Variants in CNTN4 observed in about 807,000 individuals in gnomAD.
CNTN4 encodes the protein contactin-4.
CNTN4 carries 77 observed loss-of-function variants against 122.5 expected under a neutral mutation model. That is an observed-to-expected ratio of 0.63 (90% CI 0.52 to 0.76). The LOEUF (loss-of-function observed/expected upper bound fraction) is 0.76, where lower values mean the gene tolerates loss of function less well. CNTN4 is among the 30% of genes least tolerant of loss of function. The probability of loss-of-function intolerance (pLI) is 0.00; values close to 1 mark genes in which losing one functional copy is unlikely to be tolerated. For missense variants in CNTN4, 1,256 were observed against 1,259.1 expected, an observed-to-expected ratio of 1.00 and a Z score of 0.04; for synonymous variants, 512 against 447.0, an observed-to-expected ratio of 1.15 and a Z score of -1.83.
intron 5 of CNTN4, among the ~76,000 whole-genome samples, chr3:2,741,127 A>G (rs774477319): frequency 6.6e-5 from 10 of 152,356 alleles, no homozygotes; most frequent in Non-Finnish European, 1.5e-4. Context: ...GCAATGTACC[A>G]GTCAGCATGC....
At chr3:2,987,567 T>C (rs1418314046) in intron 13 of CNTN4, among the ~76,000 whole-genome samples, 7 of 152,218 alleles carry the variant, frequency 4.6e-5, no homozygotes, top group South Asian at 4.1e-4. Flanking sequence ...TCTGTGTACA[T>C]TTTTTACTTC....
intron 3 of CNTN4, among the ~76,000 whole-genome samples, chr3:2,485,093 C>T (rs567156031): frequency 7.2e-5 from 11 of 152,306 alleles, no homozygotes; most frequent in East Asian, 3.9e-4. Context: ...CCAGCAGTGC[C>T]GGCCGGCCAG....
chr3:2,151,847 C>A (rs923529280), intron 2 of CNTN4, among the ~76,000 whole-genome samples: 6 of 152,174 alleles, frequency 3.9e-5, no homozygotes, highest in African/African-American at 1.4e-4. Context: ...AGGCCCTCAC[C>A]AGATGTGGCT....
At chr3:2,268,355 G>A (rs769726964) in intron 2 of CNTN4, among the ~76,000 whole-genome samples, 3 of 151,932 alleles carry the variant, frequency 2.0e-5, no homozygotes, top group African/African-American at 7.2e-5. Flanking sequence ...TCAATATCTA[G>A]TATTTACATG....
chr3:2,946,982 AG>A (rs959433356), intron 13 of CNTN4, among the ~76,000 whole-genome samples: 51 of 152,230 alleles, frequency 3.4e-4, no homozygotes, highest in African/African-American at 1.2e-3. Context: ...CTGGGATTAC[AG>A]GTATGAGCCA....
intron 2 of CNTN4, among the ~76,000 whole-genome samples, chr3:2,214,641 C>G (rs1480300453): frequency 1.3e-5 from 2 of 152,036 alleles, no homozygotes; most frequent in African/African-American, 4.8e-5. Context: ...ACAAAAAAAT[C>G]ACAAGGTCAG....
chr3:2,830,110 T>G (rs536231117), intron 7 of CNTN4, among the ~76,000 whole-genome samples: 64 of 152,370 alleles, frequency 4.2e-4, no homozygotes, highest in Non-Finnish European at 7.1e-4. Context: ...TCACTTGCTT[T>G]TGTGCAAACG....
chr3:2,355,066 G>A (rs2044810375), intron 3 of CNTN4, among the ~76,000 whole-genome samples: 1 of 152,150 alleles, frequency 6.6e-6, no homozygotes, highest in African/African-American at 2.4e-5. Context: ...ATTTAAAGTT[G>A]CCAGAACTGC....
At chr3:2,137,144 C>G (rs2034734350) in intron 2 of CNTN4, among the ~76,000 whole-genome samples, 1 of 152,076 alleles carries the variant, frequency 6.6e-6, no homozygotes, top group Admixed American at 6.6e-5. Context: ...ACCCATCTGT[C>G]AAAAAATAAA....
At chr3:2,665,142 CT>C (rs996769335) in intron 4 of CNTN4, among the ~76,000 whole-genome samples, 25 of 152,248 alleles carry the variant, frequency 1.6e-4, no homozygotes, top group African/African-American at 5.8e-4. Flanking sequence ...CCTTAAAGAC[CT>C]TTATATGTCA....
At chr3:2,747,916 A>G (rs1348725440) in intron 6 of CNTN4, among the ~76,000 whole-genome samples, 2 of 151,788 alleles carry the variant, frequency 1.3e-5, no homozygotes, top group Non-Finnish European at 2.9e-5. Flanking sequence ...CTCAATTTCT[A>G]TCACATTCAC....
intron 8 of CNTN4, among the ~76,000 whole-genome samples, chr3:2,875,008 A>G (rs2093827245): frequency 6.6e-6 from 1 of 151,980 alleles, no homozygotes; most frequent in South Asian, 2.1e-4. Context: ...TTTGAGATAG[A>G]GTCTGTCTCT....
Position 2,818,830 on chromosome 3 carries a change from T to C in CNTN4, c.359-656T>C, listed in dbSNP as rs142147223. 5.4e-3 allele frequency among the ~76,000 whole-genome samples: 820 copies of C among 152,328 alleles called. 4 individuals are homozygous for C. Among genetic ancestry groups the C allele is most frequent in the African/African-American group, 0.019 (776 of 41,572 alleles). On this transcript the variant is annotated intron_variant, in intron 6 of 24. Coordinates refer to ENST00000418658, the MANE Select transcript of CNTN4 (RefSeq NM_175607.3). ...ACAGTACCTTCTAAATATTTCAAACTACACCACAAGAACTTTAAAACAATT... is the reference window on the plus strand; with the variant it reads ...ACAGTACCTTCTAAATATTTCAAACCACACCACAAGAACTTTAAAACAATT...
chr3:2,902,941 G>A lies in CNTN4; in HGVS notation c.1143G>A (p.Met381Ile). The change falls in exon 12 of 25, where the codon ATG becomes ATA. Residue 381 changes from methionine to isoleucine, a missense_variant. Met to Ile is a conservative substitution (Grantham distance 10). Coordinates refer to ENST00000418658, the MANE Select transcript of CNTN4 (RefSeq NM_175607.3). Reference sequence around the variant, plus strand: ...TAGTGAACCTCTCAGATGCTGGCATGTATCAGTGTTTGGCAGAGAATAAAC... The same window carrying A: ...TAGTGAACCTCTCAGATGCTGGCATATATCAGTGTTTGGCAGAGAATAAAC... ...ITIVNLSDAG[M>I]YQCLAENKHG... 1 of 1,613,756 alleles carries A rather than the reference G, an allele frequency of 6.2e-7. No homozygotes were observed. Among genetic ancestry groups the A allele is most frequent in the Non-Finnish European group, 8.5e-7 (1 of 1,179,788 alleles).
intron 2 of CNTN4, among the ~76,000 whole-genome samples, chr3:2,173,964 T>C (rs1289440885): frequency 6.6e-6 from 1 of 152,202 alleles, no homozygotes; most frequent in Non-Finnish European, 1.5e-5. Flanking sequence ...TCAAACAGGC[T>C]GTGAGAGTCA....
intron 4 of CNTN4, among the ~76,000 whole-genome samples, chr3:2,648,804 C>T (rs987746188): frequency 1.3e-5 from 2 of 152,188 alleles, no homozygotes; most frequent in Admixed American, 6.6e-5. Flanking sequence ...AGGCTGAAAG[C>T]TATGCCTCTT....
chr3:3,014,536 T>C (rs1469324538), intron 14 of CNTN4, among the ~76,000 whole-genome samples: 4 of 152,096 alleles, frequency 2.6e-5, no homozygotes, highest in Admixed American at 1.3e-4. Context: ...AGACTGCCTT[T>C]TCACTTTCTA....
At chr3:2,244,872 A>G (rs1462197284) in intron 2 of CNTN4, among the ~76,000 whole-genome samples, 1 of 152,084 alleles carries the variant, frequency 6.6e-6, no homozygotes, top group Non-Finnish European at 1.5e-5. Flanking sequence ...ATGGTCTATG[A>G]AAATACTTTT....
At chr3:2,295,522 GTTGT>G (rs1332663566) in intron 2 of CNTN4, among the ~76,000 whole-genome samples, 2 of 151,650 alleles carry the variant, frequency 1.3e-5, no homozygotes, top group South Asian at 2.1e-4. Context: ...TTTTGATGGG[GTTGT>G]TTGTTTTTTT....
Sources: gnomAD v4.1 joint callset for allele counts (sites outside exome capture counted in the v4.1 genomes callset) on GRCh38, gnomAD v4.1.1 for gene constraint, MANE v1.5 for transcripts, NCBI Gene and HGNC (gene_info 2026-07-23, HGNC 2026-07-21) for gene names.